ARMH4: variants seen among roughly 807,000 people sequenced by gnomAD.
ARMH4 encodes the protein armadillo like helical domain containing 4, also known as armadillo-like helical domain-containing protein 4.
In ARMH4, 49 loss-of-function variants were observed where a neutral mutation model predicts 61.9. That is an observed-to-expected ratio of 0.79 (90% CI 0.63 to 1.00). ARMH4 has a LOEUF of 1.00. Ranked by LOEUF, ARMH4 falls within the 50% of genes least tolerant of loss-of-function variation. The pLI is 0.00. For missense variants in ARMH4, 934 were observed against 930.0 expected (o/e 1.00, Z -0.06); for synonymous variants, 368 against 341.5 (o/e 1.08, Z -0.85).
intron 5 of ARMH4, among the ~76,000 whole-genome samples, chr14:58,058,518 A>G (rs1884421685): frequency 1.3e-5 from 2 of 152,158 alleles, no homozygotes; most frequent in Admixed American, 1.3e-4. Context: ...GGGGTGAGCA[A>G]TTCCAGGAAC....
At position 58,075,368 on chromosome 14, in the gene ARMH4, T is replaced by G. The variant is rs535972891; in HGVS notation, c.2089+21356A>C. ...TTGGAACCACCCAAATGCCCATCAATGATAGACTGGATAAAGAAAATATGG... is the reference window on the plus strand; with the variant it reads ...TTGGAACCACCCAAATGCCCATCAAGGATAGACTGGATAAAGAAAATATGG... On this transcript the variant is annotated intron_variant, in intron 5 of 7. Transcript: ENST00000267485. 1.1e-4 allele frequency among the ~76,000 whole-genome samples: 16 copies of G among 152,314 alleles called. No homozygotes were observed. In the South Asian group the frequency reaches 3.3e-3, roughly 32 times the overall value.
chr14:58,063,713 A>G (rs1884609034), intron 5 of ARMH4, among the ~76,000 whole-genome samples: 1 of 151,504 alleles, frequency 6.6e-6, no homozygotes, highest in South Asian at 2.1e-4. Flanking sequence ...CATCTATCAC[A>G]ACCTCCCAGC....
intron 5 of ARMH4, among the ~76,000 whole-genome samples, chr14:58,073,966 T>C (rs897728238): frequency 2.0e-5 from 3 of 152,220 alleles, no homozygotes; most frequent in African/African-American, 7.2e-5. Flanking sequence ...CATACAAATT[T>C]AACAAAGTAT....
In ARMH4 at chr14:58,005,068, A is replaced by G. The variant is rs769340460; in HGVS notation, c.2236T>C (p.Phe746Leu). The change falls in exon 7 of 8, where the codon TTC becomes CTC. Residue 746 changes from phenylalanine (F) to leucine (L), a missense_variant. Transcript: ENST00000267485. ...KVMNRRRRNG[F>L]KRHKRKQREF... Reference sequence around the variant, plus strand: ...CATACCTTTCTTTTATGCCTTTTGAAGCCATTTCTCCTTCGGCGATTCATA... The same window carrying G: ...CATACCTTTCTTTTATGCCTTTTGAGGCCATTTCTCCTTCGGCGATTCATA... The G allele has an allele frequency of 7.2e-5, 116 of 1,613,860 alleles. 1 individual carries two copies. In the Admixed American group the frequency reaches 1.9e-3, roughly 27 times the overall value.
intron 7 of ARMH4, 86 bp downstream of exon 7, chr14:58,004,961 AT>A: frequency 6.3e-7 from 1 of 1,588,170 alleles, no homozygotes; most frequent in Non-Finnish European, 8.6e-7. Context: ...CCCAAGCATC[AT>A]TAAACCCCGT....
intron 5 of ARMH4, among the ~76,000 whole-genome samples, chr14:58,083,565 A>G (rs1885294550): frequency 6.6e-6 from 1 of 152,234 alleles, no homozygotes; most frequent in African/African-American, 2.4e-5. Flanking sequence ...CCTGGGCGAC[A>G]GAGCAAGACT....
chr14:58,041,797 T>C (rs1053376479), intron 5 of ARMH4, among the ~76,000 whole-genome samples: 6 of 152,116 alleles, frequency 3.9e-5, no homozygotes, highest in African/African-American at 1.4e-4. Flanking sequence ...GTTGCAATCC[T>C]AGTCTCGGAT....
At chr14:58,060,164 C>T (rs1230001221) in intron 5 of ARMH4, among the ~76,000 whole-genome samples, 1 of 152,178 alleles carries the variant, frequency 6.6e-6, no homozygotes, top group Non-Finnish European at 1.5e-5. Context: ...TTTACTTCTA[C>T]TTTTCCTGAG....
intron 5 of ARMH4, among the ~76,000 whole-genome samples, chr14:58,071,161 T>C (rs1474134070): frequency 6.7e-6 from 1 of 149,668 alleles, no homozygotes; most frequent in Non-Finnish European, 1.5e-5. Flanking sequence ...ACGTTATATA[T>C]ATTATATACA....
intron 2 of ARMH4, among the ~76,000 whole-genome samples, chr14:58,136,501 C>T (rs371975317): frequency 2.6e-5 from 4 of 152,206 alleles, no homozygotes; most frequent in Non-Finnish European, 4.4e-5. Flanking sequence ...AACTGAACAG[C>T]ACACTGGGTC....
Position 58,131,632 on chromosome 14 carries a change from G to T in ARMH4, c.1711C>A (p.Pro571Thr). ...VTPPGIMVGE[P>T]SISPALPALE... ...GCAGGAAGTGCAGGGGAAATGCTGG[G>T]TTCCCCCACCATTATTCCAGGAGGT... The change falls in exon 4 of 8, where the codon CCC (proline) becomes ACC (threonine). Residue 571 changes from proline to threonine, a missense_variant. Transcript: ENST00000267485. 7 of 1,614,120 alleles carry T rather than the reference G, an allele frequency of 4.3e-6. No homozygotes were observed. Among genetic ancestry groups the T allele is most frequent in the Non-Finnish European group, 5.9e-6 (7 of 1,179,990 alleles).
At chr14:58,131,244 G>C (rs1378640154) in intron 4 of ARMH4, 2 of 386,334 alleles carry the variant, frequency 5.2e-6, no homozygotes, top group Non-Finnish European at 9.3e-6. Flanking sequence ...ATGAACACTG[G>C]AATTTGAATT....
chr14:58,134,765 G>A (rs1887247359), intron 2 of ARMH4, among the ~76,000 whole-genome samples: 1 of 151,798 alleles, frequency 6.6e-6, no homozygotes, highest in African/African-American at 2.4e-5. Flanking sequence ...GACCAGCCTG[G>A]CCAATATTGT....
intron 4 of ARMH4, among the ~76,000 whole-genome samples, chr14:58,125,862 C>T (rs1360999310): frequency 3.3e-5 from 5 of 152,160 alleles, no homozygotes; most frequent in Non-Finnish European, 7.3e-5. Context: ...ATTAAGAATC[C>T]CTAAGCCTAG....
chr14:58,091,285 T>A (rs536106711), intron 5 of ARMH4, among the ~76,000 whole-genome samples: 1 of 152,222 alleles, frequency 6.6e-6, no homozygotes, highest in South Asian at 2.1e-4. Flanking sequence ...GTCTTTTCTG[T>A]GAAACCTGAA....
intron 3 of ARMH4, 83 bp downstream of exon 3, chr14:58,133,007 G>T: frequency 6.7e-7 from 1 of 1,497,592 alleles, no homozygotes; most frequent in Non-Finnish European, 9.2e-7. Context: ...GGCAATGTCG[G>T]CTGCCTCACT....
In ARMH4 at chr14:58,060,804, G is replaced by T. The variant is rs550010830; in HGVS notation, c.2089+35920C>A. Among the ~76,000 whole-genome samples, 20 of 152,280 alleles carry T rather than the reference G, an allele frequency of 1.3e-4. 1 individual carries two copies. In the South Asian group the frequency reaches 3.3e-3, roughly 25 times the overall value. Reference sequence around the variant, plus strand: ...TGGCACAGGGCTTTTCACGGTGTATGTACAGCAAATGCACAAAGGGAAGAA... The same window carrying T: ...TGGCACAGGGCTTTTCACGGTGTATTTACAGCAAATGCACAAAGGGAAGAA... On this transcript the variant is annotated intron_variant, in intron 5 of 7. Transcript: ENST00000267485.
At chr14:58,081,705 T>C (rs1337518842) in intron 5 of ARMH4, among the ~76,000 whole-genome samples, 1 of 151,524 alleles carries the variant, frequency 6.6e-6, no homozygotes, top group Admixed American at 6.6e-5. Flanking sequence ...GGTTTCACCG[T>C]GTTAGTTAGC....
In ARMH4 at chr14:58,005,147, C is replaced by G. The variant is rs747468766; in HGVS notation, c.2157G>C (p.Gly719=). ...GYMSGMLVPV[G]VGIAGALFIL... is the part of the protein sequence containing the mutation. ...TGAACAAGGCTCCAGCTATCCCAAC[C>G]CCTACAGGCACCAGCATCCCAGACA... Residue 719 remains glycine (G), a synonymous_variant, in exon 7 of 8, where the codon GGG becomes GGC. Coordinates refer to ENST00000267485, the MANE Select transcript of ARMH4 (RefSeq NM_001001872.4). 1.9e-6 allele frequency: 3 copies of G among 1,613,970 alleles called. No individual in the cohort carries two copies. Among genetic ancestry groups the G allele is most frequent in the Admixed American group, 1.7e-5 (1 of 59,974 alleles).
Sources: gnomAD v4.1 joint callset for allele counts (sites outside exome capture counted in the v4.1 genomes callset) on GRCh38, gnomAD v4.1.1 for gene constraint, MANE v1.5 for transcripts, NCBI Gene and HGNC (gene_info 2026-07-23, HGNC 2026-07-21) for gene names.